AP1G1: variants seen among roughly 807,000 people sequenced by gnomAD.
AP1G1 encodes the protein adaptor related protein complex 1 subunit gamma 1.
A neutral mutation model predicts 108.3 loss-of-function variants in AP1G1; 7 were observed. The ratio of observed to expected loss-of-function variants is 0.06; its 90% CI spans 0.04 to 0.12. AP1G1 has a LOEUF of 0.12. Among genes scored for constraint, AP1G1 ranks in the 10% least tolerant of loss-of-function variants. The pLI is 1.00. For synonymous variants in AP1G1, 379 were observed against 353.5 expected (o/e 1.07, Z -0.81); for missense variants, 756 against 1,010.7 (o/e 0.75, Z 3.42).
rs369320490 is a variant in AP1G1, at chr16:71,734,576, G to A, written c.2367+33C>T. The A allele has an allele frequency of 1.9e-5, 28 of 1,499,500 alleles. 1 individual carries two copies. Among genetic ancestry groups the A allele is most frequent in the Middle Eastern group, 1.7e-4 (1 of 5,882 alleles). The allele number at this position is 1,499,500 out of a possible 1,614,324, so 92.9% of individuals were successfully genotyped here. On this transcript the variant is annotated intron_variant, in intron 22 of 22. Transcript: ENST00000299980. ...ATTTCGGGAAATATGCTTACACTTC[G>A]GCTCAGATATTGGCTACAAATGTGC...
At chr16:71,777,613 G>T in intron 2 of AP1G1, 1 of 424,692 alleles carries the variant, frequency 2.4e-6, no homozygotes, top group Non-Finnish European at 4.9e-6. Context: ...TCATGCCGAT[G>T]CCCCATTCTG....
chr16:71,761,644 C>T (rs1380872214), intron 9 of AP1G1, 77 bp from the exon 10 acceptor site: 1 of 1,088,922 alleles, frequency 9.2e-7, no homozygotes, highest in Admixed American at 2.0e-5. Context: ...AGGATCACTT[C>T]ATGACCTCTG....
intron 1 of AP1G1, among the ~76,000 whole-genome samples, chr16:71,803,601 C>A (rs1264647438): frequency 1.3e-5 from 2 of 151,998 alleles, no homozygotes; most frequent in African/African-American, 4.8e-5. Flanking sequence ...TATTGTGTTA[C>A]TAGGTCAGTG....
intron 19 of AP1G1, among the ~76,000 whole-genome samples, chr16:71,741,803 A>C (rs1344783162): frequency 6.6e-6 from 1 of 152,198 alleles, no homozygotes; most frequent in Non-Finnish European, 1.5e-5. Context: ...CAATTTTAGA[A>C]ATGTGTTCTC....
intron 21 of AP1G1, among the ~76,000 whole-genome samples, chr16:71,738,559 A>G (rs1157241698): frequency 6.6e-6 from 1 of 152,224 alleles, no homozygotes; most frequent in Non-Finnish European, 1.5e-5. Flanking sequence ...AATACCAGAT[A>G]GACAAAGTCT....
chr16:71,761,674 C>CG, intron 9 of AP1G1, 107 bp from the exon 10 acceptor site: 1 of 657,254 alleles, frequency 1.5e-6, no homozygotes, highest in African/African-American at 2.0e-5. Flanking sequence ...AGACTGCTAG[C>CG]AAAAAAAAAA....
At chr16:71,761,655 G>A (rs992591599) in intron 9 of AP1G1, 88 bp from the exon 10 acceptor site, 29 of 960,196 alleles carry the variant, frequency 3.0e-5, no homozygotes, top group Non-Finnish European at 4.5e-5. Context: ...ATGACCTCTG[G>A]TGCTTCACAG....
chr16:71,768,016 CA>C, intron 6 of AP1G1: 1 of 932,234 alleles, frequency 1.1e-6, no homozygotes, highest in Non-Finnish European at 1.6e-6. Context: ...GAAAAAAAGC[CA>C]AAAAAGAACT....
rs1466292237 is a variant in AP1G1 at position 71,729,359 on chromosome 16, CT to C, written c.*3698del. The C allele has an allele frequency of 2.7e-5, 4 of 149,940 alleles. No homozygotes were observed. Among genetic ancestry groups the C allele is most frequent in the African/African-American group, 9.9e-5 (4 of 40,604 alleles). 9.3% of individuals were successfully genotyped at this position (149,940 alleles called of 1,614,324 possible). ...TCATAAAGGAAAGAGTTCAGAAGCT[CT>C]TTCCCATGGGGCCCCCAAATGGAAA... is the stretch of plus-strand genomic sequence containing the variant. On this transcript the variant is annotated 3_prime_UTR_variant, in exon 23 of 23. Transcript: ENST00000299980.
chr16:71,801,070 G>C (rs1481208508), intron 1 of AP1G1, among the ~76,000 whole-genome samples: 1 of 152,176 alleles, frequency 6.6e-6, no homozygotes, highest in Non-Finnish European at 1.5e-5. Context: ...ACTTTGGGAG[G>C]CCAAGGCAGG....
chr16:71,792,947 C>T (rs1299458962), intron 1 of AP1G1, among the ~76,000 whole-genome samples: 1 of 151,982 alleles, frequency 6.6e-6, no homozygotes, highest in Non-Finnish European at 1.5e-5. Flanking sequence ...CCGAGCAGAT[C>T]GCTTGAGCCC....
At chr16:71,808,112 G>C in intron 1 of AP1G1, 3 of 1,151,462 alleles carry the variant, frequency 2.6e-6, no homozygotes, top group Non-Finnish European at 3.2e-6. Context: ...CAGGAAGACC[G>C]GGAGAATTAT....
intron 2 of AP1G1, among the ~76,000 whole-genome samples, chr16:71,781,678 G>T (rs1006091454): frequency 6.6e-6 from 1 of 152,190 alleles, no homozygotes; most frequent in African/African-American, 2.4e-5. Context: ...ATCTAATTCA[G>T]TCATAACTCA....
chr16:71,780,933 T>G (rs2031990808), intron 2 of AP1G1, among the ~76,000 whole-genome samples: 1 of 151,924 alleles, frequency 6.6e-6, no homozygotes, highest in Admixed American at 6.6e-5. Flanking sequence ...TCCGCCTGCC[T>G]CAGCTTCCTA....
At chr16:71,806,161 T>G (rs951756386) in intron 1 of AP1G1, among the ~76,000 whole-genome samples, 16 of 152,230 alleles carry the variant, frequency 1.1e-4, no homozygotes, top group African/African-American at 3.1e-4. Flanking sequence ...TGGCAAATTC[T>G]GTACTTTAAA....
rs2045483006 is a variant in AP1G1, at chr16:71,732,379, A to C, written c.*679T>G. The stretch of plus-strand genomic sequence containing the variant: ...CTCAACAAAAGCTCTTTTTAACTCC[A>C]TCTGTCCAGTGTTTACAAATAAACT... On this transcript the variant is annotated 3_prime_UTR_variant, in exon 23 of 23. Transcript: ENST00000299980. The C allele has an allele frequency of 6.6e-6, 1 of 152,632 alleles. No individual in the cohort carries two copies. The highest frequency in any genetic ancestry group is 1.5e-5 in the Non-Finnish European group (1 of 68,052). 9.5% of individuals were successfully genotyped at this position (152,632 alleles called of 1,614,324 possible). A position where few individuals can be genotyped will look rare whatever the true frequency, so the allele number is the denominator to read the frequency against.
chr16:71,734,738 A>G lies in AP1G1; in HGVS notation c.2269-31T>C, dbSNP rs775568349. Reference sequence around the variant, plus strand: ...GGGGAACAAAGGGCACTCTTCAGAAAAAGAATTACACAACGCTAGGTCAGA... The same window carrying G: ...GGGGAACAAAGGGCACTCTTCAGAAGAAGAATTACACAACGCTAGGTCAGA... On this transcript the variant is annotated intron_variant, in intron 21 of 22. Coordinates refer to ENST00000299980, the MANE Select transcript of AP1G1 (RefSeq NM_001128.6). 1.9e-6 allele frequency: 3 copies of G among 1,558,374 alleles called. No homozygotes were observed. In the South Asian group the frequency reaches 3.3e-5, roughly 17 times the overall value.
rs1265465874 is a variant in AP1G1 at position 71,732,137 on chromosome 16, G to A, written c.*921C>T. ...ACCATAGTTCAAACAGGCAAGTTAT[G>A]GGCTTAGGAGCACTTTAAAATTTGT... On this transcript the variant is annotated 3_prime_UTR_variant, in exon 23 of 23. Transcript: ENST00000299980. 1 of 152,158 alleles carries A rather than the reference G, an allele frequency of 6.6e-6. No homozygotes were observed. The highest frequency in any genetic ancestry group is 1.5e-5 in the Non-Finnish European group (1 of 68,022). The allele number at this position is 152,158 out of a possible 1,614,324, so 9.4% of individuals were successfully genotyped here.
intron 5 of AP1G1, among the ~76,000 whole-genome samples, chr16:71,770,128 G>T (rs78308907): frequency 3.9e-3 from 595 of 152,218 alleles, no homozygotes; most frequent in Non-Finnish European, 7.6e-3. Context: ...AAAACTCTGA[G>T]AAAACTTTGG....
Sources: gnomAD v4.1 joint callset for allele counts (sites outside exome capture counted in the v4.1 genomes callset) on GRCh38, gnomAD v4.1.1 for gene constraint, MANE v1.5 for transcripts, NCBI Gene and HGNC (gene_info 2026-07-23, HGNC 2026-07-21) for gene names.